LRRK1: variants seen among roughly 807,000 people sequenced by gnomAD.
LRRK1 encodes the protein leucine-rich repeat serine/threonine-protein kinase 1.
In LRRK1, 113 loss-of-function variants were observed where a neutral mutation model predicts 209.1. The observed-to-expected ratio is 0.54, with a 90% CI of 0.46 to 0.63. The LOEUF (loss-of-function observed/expected upper bound fraction) is 0.63. Ranked by LOEUF, LRRK1 falls within the 30% of genes least tolerant of loss-of-function variation. LRRK1 has a pLI of 0.00. For synonymous variants in LRRK1, 1,144 were observed against 1,099.7 expected (o/e 1.04, Z -0.80); for missense variants, 2,284 against 2,632.2 (o/e 0.87, Z 2.89).
intron 6 of LRRK1, among the ~76,000 whole-genome samples, chr15:100,994,664 G>A (rs1460235470): frequency 6.6e-6 from 1 of 152,224 alleles, no homozygotes; most frequent in Non-Finnish European, 1.5e-5. Context: ...AATCAGAAGA[G>A]GAAATGAAAT....
Position 100,988,643 on chromosome 15 carries a change from G to A in LRRK1, c.443G>A (p.Ser148Asn), listed in dbSNP as rs536752090. 3 of 1,614,172 alleles carry A rather than the reference G, an allele frequency of 1.9e-6. No homozygotes were observed. Among genetic ancestry groups the A allele is most frequent in the South Asian group, 2.2e-5 (2 of 91,088 alleles). Reference sequence around the variant, plus strand: ...TGCCATCTCCTGCCAGGTCCCTGCAGTCCCCAGCGGCTTCTGAACTGGATG... The same window carrying A: ...TGCCATCTCCTGCCAGGTCCCTGCAATCCCCAGCGGCTTCTGAACTGGATG... The part of the protein sequence containing the change: ...ELLESLPGPC[S>N]PQRLLNWMLA... Residue 148 changes from serine (S) to asparagine (N), a missense_variant, in exon 5 of 34, where the codon AGT (serine) becomes AAT (asparagine). Physicochemically the swap from Ser to Asn is conservative, Grantham distance 46. Coordinates refer to ENST00000388948, the MANE Select transcript of LRRK1 (RefSeq NM_024652.6).
At chr15:100,941,954 C>T (rs1051311411) in intron 2 of LRRK1, among the ~76,000 whole-genome samples, 2 of 152,184 alleles carry the variant, frequency 1.3e-5, no homozygotes, top group African/African-American at 2.4e-5. Context: ...CCATGTCCCC[C>T]AGCAGCCTCG....
At position 101,015,372 on chromosome 15, in the gene LRRK1, A is replaced by G. The variant is rs777091251; in HGVS notation, c.1579A>G (p.Arg527Gly). The change falls in exon 12 of 34, where the codon AGA becomes GGA. Residue 527 changes from arginine to glycine, a missense_variant. By Grantham distance (125) the Arg-to-Gly change is moderately radical (BLOSUM62 -2). Coordinates refer to ENST00000388948, the MANE Select transcript of LRRK1 (RefSeq NM_024652.6). ...KTKRIAFFTT[R>G]GRQRSGTEAA... ...GAAGCGTATTGCCTTTTTCACCACC[A>G]GAGGTCGCCAGCGCTCCGGGACTGA... 3.2e-5 allele frequency: 51 copies of G among 1,613,816 alleles called. No individual in the cohort carries two copies. The highest frequency in any genetic ancestry group is 4.1e-5 in the Non-Finnish European group (48 of 1,179,834).
At chr15:100,945,699 G>T (rs1036476877) in intron 2 of LRRK1, among the ~76,000 whole-genome samples, 1 of 151,680 alleles carries the variant, frequency 6.6e-6, no homozygotes, top group African/African-American at 2.4e-5. Context: ...CACCATGTTG[G>T]CCAGGCTGGT....
chr15:101,047,815 C>T (rs1034877839), intron 21 of LRRK1, among the ~76,000 whole-genome samples: 13 of 152,132 alleles, frequency 8.5e-5, no homozygotes, highest in African/African-American at 3.1e-4. Context: ...ACCAATAATC[C>T]GACTGGTAAA....
At chr15:100,955,448 A>T (rs79170209) in intron 2 of LRRK1, among the ~76,000 whole-genome samples, 4,885 of 152,222 alleles carry the variant, frequency 0.032, 288 homozygotes, top group African/African-American at 0.11. Context: ...CTGCAAACAG[A>T]GACCAATTGA....
intron 20 of LRRK1, among the ~76,000 whole-genome samples, chr15:101,036,951 T>G (rs1335513557): frequency 6.6e-6 from 1 of 152,206 alleles, no homozygotes; most frequent in Non-Finnish European, 1.5e-5. Context: ...GAAGTTTTGC[T>G]GGGAACAGGG....
At chr15:101,029,522 A>G (rs146252827) in intron 20 of LRRK1, among the ~76,000 whole-genome samples, 1 of 146,510 alleles carries the variant, frequency 6.8e-6, no homozygotes, top group Non-Finnish European at 1.5e-5. Context: ...CATTAAAAAT[A>G]ATTTGTGGGA....
chr15:101,007,636 G>A (rs2033023463), intron 6 of LRRK1, among the ~76,000 whole-genome samples: 1 of 152,188 alleles, frequency 6.6e-6, no homozygotes, highest in Non-Finnish European at 1.5e-5. Flanking sequence ...TGGGACAAAG[G>A]GAAGGCCTCC....
intron 3 of LRRK1, among the ~76,000 whole-genome samples, chr15:100,979,093 CATCA>C (rs1269366516): frequency 2.0e-5 from 3 of 152,136 alleles, no homozygotes; most frequent in African/African-American, 7.2e-5. Flanking sequence ...CAGTTTCAAT[CATCA>C]ATCAATGTAA....
At chr15:101,015,262 CA>C in intron 11 of LRRK1, 63 bp from the exon 12 acceptor site, 1 of 1,332,216 alleles carries the variant, frequency 7.5e-7, no homozygotes, top group Admixed American at 1.8e-5. Flanking sequence ...ATTATAACAT[CA>C]CAGCCAAAAG....
intron 6 of LRRK1, among the ~76,000 whole-genome samples, chr15:101,006,372 T>TAAAAAAAAA (rs56053663): frequency 1.7e-5 from 2 of 114,450 alleles, no homozygotes; most frequent in African/African-American, 3.3e-5. Flanking sequence ...GACAATGTGA[T>TAAAAAAAAA]AAAAAAAAAA....
intron 2 of LRRK1, among the ~76,000 whole-genome samples, chr15:100,949,973 C>T (rs1270230873): frequency 6.6e-6 from 1 of 151,954 alleles, no homozygotes; most frequent in Non-Finnish European, 1.5e-5. Context: ...CAAGGATGTC[C>T]ACTCTCACTA....
chr15:101,049,507 G>A lies in LRRK1; in HGVS notation c.3300-137G>A, dbSNP rs1282942639. ...CACGCACACGTACATACAGGGAGGAGTCCCCCATCGGTCCTGCAGGGCACA... is the reference window on the plus strand; with the variant it reads ...CACGCACACGTACATACAGGGAGGAATCCCCCATCGGTCCTGCAGGGCACA... On this transcript the variant is annotated intron_variant, in intron 22 of 33. Transcript: ENST00000388948. 4.3e-6 allele frequency: 4 copies of A among 937,168 alleles called. No individual in the cohort carries two copies. In the Admixed American group the frequency reaches 7.6e-5, roughly 18 times the overall value. The allele number at this position is 937,168 out of a possible 1,614,324, so 58.1% of individuals were successfully genotyped here.
chr15:101,061,023 AC>A (rs1378023823), intron 29 of LRRK1, 147 bp from the exon 30 acceptor site: 20 of 671,286 alleles, frequency 3.0e-5, no homozygotes, highest in Non-Finnish European at 5.3e-5. Flanking sequence ...TTCGGGCAGA[AC>A]CCGGCTCTGC....
In LRRK1 at chr15:100,944,459, TTA is replaced by T. The variant is rs528216261; in HGVS notation, c.97+19732_97+19733del. On this transcript the variant is annotated intron_variant, in intron 2 of 33. Coordinates refer to ENST00000388948, the MANE Select transcript of LRRK1 (RefSeq NM_024652.6). ...GGCAAGCTTTCACTTCTGTTCAGCATTATCTTTTACAAGGATGGGTTTGTGGC... is the reference window on the plus strand; with the variant it reads ...GGCAAGCTTTCACTTCTGTTCAGCATTCTTTTACAAGGATGGGTTTGTGGC... Among the ~76,000 whole-genome samples the T allele has an allele frequency of 1.5e-4, 23 of 152,346 alleles. 1 individual carries two copies. The East Asian group carries it at 4.4e-3, about 29-fold the overall frequency.
chr15:100,983,440 C>A (rs988804104), intron 3 of LRRK1, 88 bp from the exon 4 acceptor site: 40 of 1,290,320 alleles, frequency 3.1e-5, no homozygotes, highest in Non-Finnish European at 4.0e-5. Context: ...CAGTCCTGCT[C>A]CGGGACCTGG....
intron 33 of LRRK1, among the ~76,000 whole-genome samples, chr15:101,067,736 G>A (rs2036615510): frequency 6.6e-6 from 1 of 152,236 alleles, no homozygotes; most frequent in African/African-American, 2.4e-5. Context: ...CTGCTCCTGA[G>A]CTCTGGCAGA....
rs376786491 is a variant in LRRK1, at chr15:101,045,234, GA to G, written c.2964-745del. ...AAATAGATTTAAGATTAGGAGAGCT[GA>G]AGGTAAAACCTTTATTGGGAAGGAG... is the stretch of plus-strand genomic sequence containing the variant. On this transcript the variant is annotated intron_variant, in intron 20 of 33. Transcript: ENST00000388948. Among the ~76,000 whole-genome samples, 284 of 152,364 alleles carry G rather than the reference GA, an allele frequency of 1.9e-3. 1 individual carries two copies. The highest frequency in any genetic ancestry group is 6.4e-3 in the African/African-American group (265 of 41,588).
Sources: gnomAD v4.1 joint callset for allele counts (sites outside exome capture counted in the v4.1 genomes callset) on GRCh38, gnomAD v4.1.1 for gene constraint, MANE v1.5 for transcripts, NCBI Gene and HGNC (gene_info 2026-07-23, HGNC 2026-07-21) for gene names.